Variants in ZNF503 observed in about 807,000 individuals in gnomAD.
The protein encoded by ZNF503 is zinc finger protein 503.
Under a neutral mutation model 34.4 loss-of-function variants are expected in ZNF503, and 15 were observed. That is an observed-to-expected ratio of 0.44 (90% CI 0.29 to 0.67). The LOEUF (loss-of-function observed/expected upper bound fraction) is 0.67, where lower values mean the gene tolerates loss of function less well. Among genes scored for constraint, ZNF503 ranks in the 30% least tolerant of loss-of-function variants. The pLI is 0.13. For missense variants in ZNF503, 1,007 were observed against 926.8 expected, an observed-to-expected ratio of 1.09 and a Z score of -1.12; for synonymous variants, 580 against 456.8, an observed-to-expected ratio of 1.27 and a Z score of -3.44.
At chr10:75,400,412 A>C in intron 1 of ZNF503, 38 bp from the exon 2 acceptor site, 15 of 1,567,384 alleles carry the variant, frequency 9.6e-6, no homozygotes, top group Non-Finnish European at 1.2e-5. Flanking sequence ...CGTCACACAG[A>C]GAAAGAAGTG....
chr10:75,389,005 A>G, the ZNF503 span, among the ~76,000 whole-genome samples: 6 of 152,186 alleles, frequency 3.9e-5, no homozygotes, highest in Admixed American at 6.5e-5. Flanking sequence ...AAAAAGGTTG[A>G]GGTTTCTGCA....
chr10:75,386,516 C>T, the ZNF503 span, among the ~76,000 whole-genome samples: 1 of 152,216 alleles, frequency 6.6e-6, no homozygotes, highest in South Asian at 2.1e-4. Flanking sequence ...TCCATTCATT[C>T]TACCTTCTCA....
chr10:75,352,727 G>A, the ZNF503 span, among the ~76,000 whole-genome samples: 6 of 152,232 alleles, frequency 3.9e-5, no homozygotes, highest in African/African-American at 1.4e-4. Context: ...TTAAAGAAGA[G>A]TCAAGGTCCT....
At chr10:75,346,097 C>A in the ZNF503 span, among the ~76,000 whole-genome samples, 1 of 152,148 alleles carries the variant, frequency 6.6e-6, no homozygotes, top group Admixed American at 6.5e-5. Context: ...ATCTCTTGTT[C>A]TTGGACAGTT....
chr10:75,384,087 C>T, the ZNF503 span, among the ~76,000 whole-genome samples: 1 of 152,132 alleles, frequency 6.6e-6, no homozygotes, highest in East Asian at 1.9e-4. Flanking sequence ...AACTGGAAGG[C>T]CTGTGGGGCT....
the ZNF503 span, among the ~76,000 whole-genome samples, chr10:75,317,701 A>C: frequency 6.6e-6 from 1 of 152,128 alleles, no homozygotes; most frequent in Non-Finnish European, 1.5e-5. Context: ...ATGGTTATTA[A>C]ATAATGTCTT....
At chr10:75,368,689 C>T in the ZNF503 span, among the ~76,000 whole-genome samples, 3 of 152,312 alleles carry the variant, frequency 2.0e-5, no homozygotes. Flanking sequence ...AGGGGTAAGG[C>T]TCACAGAGAT....
the ZNF503 span, among the ~76,000 whole-genome samples, chr10:75,286,049 G>A: frequency 6.6e-6 from 1 of 152,244 alleles, no homozygotes. Context: ...TTGGGAGGCC[G>A]AGGCAGGTGG....
rs1372029787 is a variant in ZNF503, at chr10:75,399,194, G to C, written c.1496C>G (p.Pro499Arg). ...GATPPSLAGH[P>R]LYPYGFMLPN... ...GAGCATAAAGCCGTAGGGGTAGAGG[G>C]GGTGGCCGGCCAGGGAGGGCGGTGT... Residue 499 changes from proline to arginine, a missense_variant, in exon 2 of 2, where the codon CCC (proline) becomes CGC (arginine). Pro to Arg is a moderately radical substitution (Grantham distance 103, BLOSUM62 -2). Coordinates refer to ENST00000372524, the MANE Select transcript of ZNF503 (RefSeq NM_032772.6). 1 of 1,602,594 alleles carries C rather than the reference G, an allele frequency of 6.2e-7. No individual in the cohort carries two copies. The highest frequency in any genetic ancestry group is 1.7e-5 in the Admixed American group (1 of 59,322).
the ZNF503 span, among the ~76,000 whole-genome samples, chr10:75,392,176 T>C: frequency 1.3e-4 from 20 of 152,196 alleles, no homozygotes; most frequent in Non-Finnish European, 2.5e-4. Flanking sequence ...AGTGAATGGA[T>C]GGACTAGTAA....
At chr10:75,385,455 G>A in the ZNF503 span, among the ~76,000 whole-genome samples, 1 of 152,164 alleles carries the variant, frequency 6.6e-6, no homozygotes, top group Admixed American at 6.5e-5. Context: ...CAGCTGGGGC[G>A]GCCCAAAGCC....
the ZNF503 span, chr10:75,295,801 T>A: frequency 6.6e-6 from 1 of 152,222 alleles, no homozygotes; most frequent in Non-Finnish European, 1.5e-5. The surrounding 1 kb of genome is among the most constrained non-coding windows in gnomAD (Gnocchi z 4.0). Flanking sequence ...TTTTTCATGT[T>A]TTATACTAAT....
the ZNF503 span, among the ~76,000 whole-genome samples, chr10:75,376,752 T>C: frequency 6.6e-6 from 1 of 152,130 alleles, no homozygotes; most frequent in Non-Finnish European, 1.5e-5. Flanking sequence ...AATCTTACAA[T>C]CATGACGGAA....
At chr10:75,320,109 C>G in the ZNF503 span, among the ~76,000 whole-genome samples, 1 of 152,238 alleles carries the variant, frequency 6.6e-6, no homozygotes, top group South Asian at 2.1e-4. Flanking sequence ...GTTACTAAAA[C>G]TAGATAAAGA....
chr10:75,310,671 G>A, the ZNF503 span, among the ~76,000 whole-genome samples: 1 of 152,092 alleles, frequency 6.6e-6, no homozygotes, highest in Non-Finnish European at 1.5e-5. Flanking sequence ...TGGTAATGCA[G>A]TACCTTCCTG....
the ZNF503 span, among the ~76,000 whole-genome samples, chr10:75,345,314 G>A: frequency 6.6e-5 from 10 of 152,220 alleles, no homozygotes; most frequent in African/African-American, 2.4e-4. Flanking sequence ...CTGATGAACT[G>A]AGTCAGTCTC....
At chr10:75,339,590 A>G in the ZNF503 span, among the ~76,000 whole-genome samples, 1 of 152,198 alleles carries the variant, frequency 6.6e-6, no homozygotes, top group Non-Finnish European at 1.5e-5. Context: ...CAAGAGCTAA[A>G]GAGAGAGCCC....
chr10:75,324,700 T>C, the ZNF503 span, among the ~76,000 whole-genome samples: 1 of 152,224 alleles, frequency 6.6e-6, no homozygotes, highest in Non-Finnish European at 1.5e-5. Flanking sequence ...TACCATAATA[T>C]TCACTCCTTT....
the ZNF503 span, among the ~76,000 whole-genome samples, chr10:75,348,317 C>G: frequency 6.6e-6 from 1 of 152,034 alleles, no homozygotes; most frequent in Non-Finnish European, 1.5e-5. Flanking sequence ...CTTTCTCAGC[C>G]TCCCAAAGTG....
Sources: gnomAD v4.1 joint callset for allele counts (sites outside exome capture counted in the v4.1 genomes callset) on GRCh38, gnomAD v4.1.1 for gene constraint, Gnocchi (gnomAD v3.1) non-coding constraint, MANE v1.5 for transcripts, NCBI Gene and HGNC (gene_info 2026-07-23, HGNC 2026-07-21) for gene names.